FAIM: variants seen among roughly 807,000 people sequenced by gnomAD.
The protein encoded by FAIM is fas apoptotic inhibitory molecule 1.
Under a neutral mutation model 21.2 loss-of-function variants are expected in FAIM, and 14 were observed. That is an observed-to-expected ratio of 0.66 (90% CI 0.44 to 1.03). The LOEUF is 1.03. Among genes scored for constraint, FAIM ranks in the 50% least tolerant of loss-of-function variants. The pLI is 0.00. For missense variants in FAIM, 222 were observed against 247.1 expected (o/e 0.90, Z 0.68); for synonymous variants, 86 against 80.4 (o/e 1.07, Z -0.37).
intron 1 of FAIM, 92 bp from the exon 2 acceptor site, chr3:138,619,619 A>G: frequency 8.7e-7 from 1 of 1,144,478 alleles, no homozygotes; most frequent in East Asian, 2.4e-5. Context: ...GCAAAATTAG[A>G]AAAACCCTTT....
chr3:138,609,614 A>ATCCTCT (rs2042745197), intron 1 of FAIM, among the ~76,000 whole-genome samples: 1 of 25,418 alleles, frequency 3.9e-5, no homozygotes, highest in African/African-American at 1.1e-4. Flanking sequence ...CTCTCTCTCG[A>ATCCTCT]CTCTCTCTCT....
intron 5 of FAIM, 65 bp from the exon 6 acceptor site, chr3:138,632,865 G>A: frequency 1.3e-6 from 2 of 1,499,980 alleles, no homozygotes; most frequent in Non-Finnish European, 1.8e-6. Context: ...TTTAGATGGT[G>A]TGAATGCTCT....
Position 138,617,745 on chromosome 3 carries a change from A to G in FAIM, c.-16-1966A>G, listed in dbSNP as rs112455051. On this transcript the variant is annotated intron_variant, in intron 1 of 5. Transcript: ENST00000360570. ...ACATTGTGTATATACGTGTGTGTGT[A>G]TATATATATGTATGTATATAGTATC... Among the ~76,000 whole-genome samples, 510 of 142,924 alleles carry G rather than the reference A, an allele frequency of 3.6e-3. 2 individuals carry two copies. The highest frequency in any genetic ancestry group is 0.012 in the African/African-American group (475 of 39,256). 93.8% of individuals were successfully genotyped at this position (142,924 alleles called of 152,430 possible).
chr3:138,633,041 AT>A lies in FAIM; in HGVS notation c.570del (p.Ile190MetfsTer18), dbSNP rs766919723. 1 of 1,613,662 alleles carries A rather than the reference AT, an allele frequency of 6.2e-7. No homozygotes were observed. The highest frequency in any genetic ancestry group is 1.1e-5 in the South Asian group (1 of 91,006). ...KRKEGIIHTL[I>X]VDNREIPEIA... ...GAAAGAAGGGATTATTCATACTCTCATTGTGGATAATAGAGAAATCCCAGAG... is the reference window on the plus strand; with the variant it reads ...GAAAGAAGGGATTATTCATACTCTCATGTGGATAATAGAGAAATCCCAGAG... On this transcript the variant is annotated frameshift_variant, in exon 6 of 6. Transcript: ENST00000360570. LOFTEE classifies it high-confidence loss of function.
chr3:138,628,728 C>T (rs968290275), intron 4 of FAIM, among the ~76,000 whole-genome samples: 1 of 152,142 alleles, frequency 6.6e-6, no homozygotes, highest in African/African-American at 2.4e-5. Flanking sequence ...TGTGATCCGC[C>T]TGCCTCAGTC....
chr3:138,627,866 C>A (rs139303455), intron 4 of FAIM, among the ~76,000 whole-genome samples: 1 of 152,168 alleles, frequency 6.6e-6, no homozygotes, highest in Admixed American at 6.5e-5. Flanking sequence ...AGAGAAAGAA[C>A]CCCCTTTAGA....
chr3:138,628,964 T>C (rs1362390172), intron 4 of FAIM, 143 bp from the exon 5 acceptor site: 3 of 551,238 alleles, frequency 5.4e-6, no homozygotes, highest in Non-Finnish European at 6.2e-6. Flanking sequence ...ATGAAAGCCA[T>C]GAAAAAGTGT....
Position 138,614,005 on chromosome 3 carries a change from A to C in FAIM, c.-17+5068A>C, listed in dbSNP as rs182594558. ...GAGGTTCAACTTAATTCTCTTGTGT[A>C]TGAAAATCTAGTTTTCCCCATAACA... On this transcript the variant is annotated intron_variant, in intron 1 of 5. Coordinates refer to ENST00000360570, the MANE Select transcript of FAIM (RefSeq NM_001033031.2). Among the ~76,000 whole-genome samples, 1,005 of 152,344 alleles carry C rather than the reference A, an allele frequency of 6.6e-3. 7 individuals carry two copies. Among genetic ancestry groups the C allele is most frequent in the Middle Eastern group, 0.024 (7 of 294 alleles).
chr3:138,622,802 G>C (rs951397770), intron 4 of FAIM, among the ~76,000 whole-genome samples: 1 of 152,076 alleles, frequency 6.6e-6, no homozygotes, highest in South Asian at 2.1e-4. Flanking sequence ...ACTTTGGTAG[G>C]CTGAGGCGGG....
intron 2 of FAIM, among the ~76,000 whole-genome samples, chr3:138,620,005 G>C (rs764636307): frequency 5.3e-5 from 8 of 152,180 alleles, no homozygotes; most frequent in Admixed American, 6.5e-5. Context: ...TCTCATTTCT[G>C]TCAGCACAGA....
At chr3:138,632,631 T>C (rs1384494292) in intron 5 of FAIM, among the ~76,000 whole-genome samples, 7 of 152,188 alleles carry the variant, frequency 4.6e-5, no homozygotes, top group Non-Finnish European at 8.8e-5. Context: ...AAATAACTAA[T>C]AAATGTCATA....
At position 138,620,034 on chromosome 3, in the gene FAIM, A is replaced by G. The variant is rs148995487; in HGVS notation, c.44+264A>G. On this transcript the variant is annotated intron_variant, in intron 2 of 5. Transcript: ENST00000360570. Reference sequence around the variant, plus strand: ...GCACAGAGTTCTTGGCAACCACTTCAAAATGATATAAAATCCATTTACCAT... The same window carrying G: ...GCACAGAGTTCTTGGCAACCACTTCGAAATGATATAAAATCCATTTACCAT... Among the ~76,000 whole-genome samples the G allele has an allele frequency of 3.9e-3, 591 of 152,318 alleles. 3 individuals are homozygous for G. Among genetic ancestry groups the G allele is most frequent in the African/African-American group, 0.014 (577 of 41,574 alleles).
At position 138,610,769 on chromosome 3, in the gene FAIM, G is replaced by C. The variant is rs1323776103; in HGVS notation, c.-17+1832G>C. On this transcript the variant is annotated intron_variant, in intron 1 of 5. Transcript: ENST00000360570. The stretch of plus-strand genomic sequence containing the variant: ...CGGCAAATTTTTCTATTTTTGCAAA[G>C]ACAGGATTTCACCGTTTTGTCCAGG... 9.6e-6 allele frequency: 5 copies of C among 518,180 alleles called. No individual in the cohort carries two copies. In the East Asian group the frequency reaches 1.6e-4, roughly 17 times the overall value. The allele number at this position is 518,180 out of a possible 1,614,324, so 32.1% of individuals were successfully genotyped here. A position where few individuals can be genotyped will look rare whatever the true frequency, so the allele number is the denominator to read the frequency against.
chr3:138,616,813 AAG>A (rs888540868), intron 1 of FAIM, among the ~76,000 whole-genome samples: 10 of 152,176 alleles, frequency 6.6e-5, no homozygotes, highest in Non-Finnish European at 1.2e-4. Flanking sequence ...AAAACTGGCA[AAG>A]AGAGTAACAA....
In FAIM at chr3:138,629,471, G is replaced by A. The variant is rs528397655; in HGVS notation, c.456+315G>A. 3.5e-5 allele frequency: 7 copies of A among 202,700 alleles called. No individual in the cohort carries two copies. The East Asian group carries it at 5.3e-4, about 15-fold the overall frequency. 12.6% of individuals were successfully genotyped at this position (202,700 alleles called of 1,614,324 possible). A position where few individuals can be genotyped will look rare whatever the true frequency, so the allele number is the denominator to read the frequency against. ...TAGTTAAAAAATTATATCCCCAGAG[G>A]TTGGTGTCCTCTTGTGTTGATCCAT... On this transcript the variant is annotated intron_variant, in intron 5 of 5. Transcript: ENST00000360570.
intron 1 of FAIM, among the ~76,000 whole-genome samples, chr3:138,612,364 G>A (rs1225172151): frequency 2.0e-5 from 3 of 152,098 alleles, no homozygotes; most frequent in African/African-American, 7.2e-5. Flanking sequence ...GCCTCCCAAA[G>A]TGCTGGGATT....
intron 4 of FAIM, 141 bp downstream of exon 4, chr3:138,622,557 CA>C (rs1386266954): frequency 1.6e-6 from 1 of 615,978 alleles, no homozygotes; most frequent in African/African-American, 1.9e-5. Flanking sequence ...TGTTTAGAAA[CA>C]TTAAAAAAAT....
At chr3:138,621,290 C>T in intron 2 of FAIM, 117 bp from the exon 3 acceptor site, 1 of 1,068,564 alleles carries the variant, frequency 9.4e-7, no homozygotes, top group Non-Finnish European at 1.4e-6. Flanking sequence ...TAGGTACTGT[C>T]ACTTTAATAT....
chr3:138,630,999 T>G (rs954427817), intron 5 of FAIM: 6 of 151,942 alleles, frequency 3.9e-5, no homozygotes, highest in African/African-American at 1.5e-4. Context: ...TAATAGAGCA[T>G]GGTGGCACAT....
Sources: gnomAD v4.1 joint callset for allele counts (sites outside exome capture counted in the v4.1 genomes callset) on GRCh38, gnomAD v4.1.1 for gene constraint, MANE v1.5 for transcripts, NCBI Gene and HGNC (gene_info 2026-07-23, HGNC 2026-07-21) for gene names.